The following MTTP variants were observed in gnomAD, a reference collection of about 807,000 sequenced individuals.
MTTP encodes the protein microsomal triglyceride transfer protein.
A neutral mutation model predicts 90.6 loss-of-function variants in MTTP; 49 were observed. That is an observed-to-expected ratio of 0.54 (90% CI 0.43 to 0.69). The LOEUF (loss-of-function observed/expected upper bound fraction) is 0.69. Ranked by LOEUF, MTTP falls within the 30% of genes least tolerant of loss-of-function variation. The probability of loss-of-function intolerance (pLI) is 0.00; values close to 1 mark genes in which losing one functional copy is unlikely to be tolerated. For synonymous variants in MTTP, 347 were observed against 384.2 expected (o/e 0.90, Z 1.13); for missense variants, 945 against 1,067.5 (o/e 0.89, Z 1.60).
chr4:99,610,641 A>C (rs1725927267), intron 12 of MTTP, among the ~76,000 whole-genome samples: 2 of 152,198 alleles, frequency 1.3e-5, no homozygotes, highest in Admixed American at 6.5e-5. Context: ...GATGATTTCT[A>C]TATGGGTTTT....
At chr4:99,600,182 A>C (rs1725658890) in intron 8 of MTTP, among the ~76,000 whole-genome samples, 1 of 152,170 alleles carries the variant, frequency 6.6e-6, no homozygotes, top group African/African-American at 2.4e-5. Flanking sequence ...CTAATTAAAG[A>C]AAGAGAATAA....
chr4:99,575,747 G>A (rs952922645), intron 1 of MTTP, among the ~76,000 whole-genome samples: 2 of 152,078 alleles, frequency 1.3e-5, no homozygotes, highest in Admixed American at 6.5e-5. Context: ...TATAAACATC[G>A]GTTTTCCAAA....
At chr4:99,596,921 G>A in intron 7 of MTTP, 146 bp from the exon 8 acceptor site, 2 of 939,732 alleles carry the variant, frequency 2.1e-6, no homozygotes, top group Admixed American at 3.4e-5. Context: ...TATGGGCAGG[G>A]AACTGTCATG....
chr4:99,566,861 G>C (rs1028473321), intron 1 of MTTP, among the ~76,000 whole-genome samples: 1 of 152,132 alleles, frequency 6.6e-6, no homozygotes, highest in African/African-American at 2.4e-5. Context: ...CCCTCCGTAA[G>C]TTTGATTTCA....
At chr4:99,574,646 T>C (rs891300436), upstream of MTTP, 5 of 682,670 alleles carry the variant, frequency 7.3e-6, no homozygotes, top group African/African-American at 7.2e-5. Flanking sequence ...GTGAAAACAT[T>C]TAAAGTTTCC....
In MTTP at chr4:99,608,808, G is replaced by A. The variant is rs1469599776; in HGVS notation, c.1600G>A (p.Val534Ile). ...LNRIYHQNRK[V>I]HEKTVRTAAA... Reference sequence around the variant, plus strand: ...CAGAATATACCACCAAAACCGTAAAGTTCATGAAAAGACTGTGCGCACTGC... The same window carrying A: ...CAGAATATACCACCAAAACCGTAAAATTCATGAAAAGACTGTGCGCACTGC... The change falls in exon 12 of 18, where the codon GTT (valine) becomes ATT (isoleucine). Residue 534 changes from valine to isoleucine, a missense_variant. Physicochemically the swap from Val to Ile is conservative, Grantham distance 29. Coordinates refer to ENST00000265517, the MANE Select transcript of MTTP (RefSeq NM_001386140.1). 1 of 1,614,124 alleles carries A rather than the reference G, an allele frequency of 6.2e-7. No individual in the cohort carries two copies. Among genetic ancestry groups the A allele is most frequent in the South Asian group, 1.1e-5 (1 of 91,078 alleles).
intron 7 of MTTP, 130 bp downstream of exon 7, chr4:99,595,013 A>G: frequency 9.4e-7 from 1 of 1,068,718 alleles, no homozygotes. Flanking sequence ...AGTTGTGATG[A>G]CAGCAGTCTC....
At chr4:99,587,805 C>T (rs1725293997) in intron 3 of MTTP, among the ~76,000 whole-genome samples, 1 of 152,090 alleles carries the variant, frequency 6.6e-6, no homozygotes. Context: ...CCTGGAGATA[C>T]ACTTCCAAAT....
chr4:99,618,468 A>G (rs1177018067), intron 15 of MTTP, among the ~76,000 whole-genome samples: 1 of 152,208 alleles, frequency 6.6e-6, no homozygotes, highest in Non-Finnish European at 1.5e-5. Context: ...AAAAAGCCAC[A>G]GCTAGATTTC....
chr4:99,567,444 C>A (rs376774876), intron 1 of MTTP, among the ~76,000 whole-genome samples: 2 of 152,088 alleles, frequency 1.3e-5, no homozygotes. Flanking sequence ...ATCTGAAGAC[C>A]CTCAGAATGG....
At chr4:99,590,866 A>C (rs927273821) in intron 4 of MTTP, among the ~76,000 whole-genome samples, 1 of 150,342 alleles carries the variant, frequency 6.7e-6, no homozygotes, top group African/African-American at 2.4e-5. Context: ...CACACACACC[A>C]CACACACACA....
At chr4:99,613,988 T>C (rs1357587322) in intron 15 of MTTP, among the ~76,000 whole-genome samples, 1 of 152,214 alleles carries the variant, frequency 6.6e-6, no homozygotes, top group African/African-American at 2.4e-5. Context: ...AAAAATGATA[T>C]ATTTGCTAAA....
intron 3 of MTTP, among the ~76,000 whole-genome samples, chr4:99,586,650 A>T (rs1725265758): frequency 6.6e-6 from 1 of 152,164 alleles, no homozygotes; most frequent in Non-Finnish European, 1.5e-5. Context: ...TATCAAAGAT[A>T]AAATTACTAA....
At position 99,596,992 on chromosome 4, in the gene MTTP, T is replaced by C. The variant is rs374716415; in HGVS notation, c.910-75T>C. On this transcript the variant is annotated intron_variant, in intron 7 of 17. Transcript: ENST00000265517. Reference sequence around the variant, plus strand: ...TCAGACACAAGGGACATTTTATTCCTAGGAGAACACCCTTTGTAAATGTGG... The same window carrying C: ...TCAGACACAAGGGACATTTTATTCCCAGGAGAACACCCTTTGTAAATGTGG... 29 of 1,595,696 alleles carry C rather than the reference T, an allele frequency of 1.8e-5. 1 individual carries two copies. In the African/African-American group the frequency reaches 3.1e-4, roughly 17 times the overall value.
At chr4:99,593,174 A>G (rs1302143771) in intron 6 of MTTP, among the ~76,000 whole-genome samples, 1 of 152,134 alleles carries the variant, frequency 6.6e-6, no homozygotes, top group Admixed American at 6.6e-5. Flanking sequence ...TATCTTGTTC[A>G]TCTTTATTTT....
intron 15 of MTTP, among the ~76,000 whole-genome samples, chr4:99,615,163 G>A (rs1726068777): frequency 6.6e-6 from 1 of 152,202 alleles, no homozygotes; most frequent in South Asian, 2.1e-4. Flanking sequence ...CTAGATCTGG[G>A]TCAGCAAACT....
In MTTP at chr4:99,611,426, T is replaced by C. The variant is rs770895131; in HGVS notation, c.1962T>C (p.Ile654=). The change falls in exon 14 of 18, where the codon ATT becomes ATC. Residue 654 remains isoleucine, a synonymous_variant. Transcript: ENST00000265517. The part of the protein sequence containing the change: ...RRSNLNIFQY[I]GKAGLHGSQV... ...GTAACCTGAACATCTTTCAGTACAT[T>C]GGGAAGGCTGGTCTTCACGGTAGCC... The C allele has an allele frequency of 6.2e-7, 1 of 1,614,102 alleles. No homozygotes were observed. The highest frequency in any genetic ancestry group is 2.2e-5 in the East Asian group (1 of 44,884).
chr4:99,613,651 C>A (rs1726019167), intron 15 of MTTP, among the ~76,000 whole-genome samples: 1 of 152,168 alleles, frequency 6.6e-6, no homozygotes, highest in African/African-American at 2.4e-5. Flanking sequence ...GCCCAAAATT[C>A]TCATGTATAT....
At chr4:99,581,728 GT>G (rs1378110505) in intron 1 of MTTP, among the ~76,000 whole-genome samples, 176 bp from the exon 2 acceptor site, 2 of 152,056 alleles carry the variant, frequency 1.3e-5, no homozygotes, top group Non-Finnish European at 2.9e-5. Flanking sequence ...TTTGTTTTTT[GT>G]TTGTTTATCT....
Sources: gnomAD v4.1 joint callset for allele counts (sites outside exome capture counted in the v4.1 genomes callset) on GRCh38, gnomAD v4.1.1 for gene constraint, MANE v1.5 for transcripts, NCBI Gene and HGNC (gene_info 2026-07-23, HGNC 2026-07-21) for gene names.